The following TBC1D5 variants were observed in gnomAD, a reference collection of about 807,000 sequenced individuals.
TBC1D5 encodes the protein TBC1 domain family, member 5.
A neutral mutation model predicts 100.3 loss-of-function variants in TBC1D5; 75 were observed. That is an observed-to-expected ratio of 0.75 (90% CI 0.62 to 0.91). The LOEUF is 0.91. Ranked by LOEUF, TBC1D5 falls within the 40% of genes least tolerant of loss-of-function variation. The pLI is 0.00. For synonymous variants in TBC1D5, 323 were observed against 325.6 expected (o/e 0.99, Z 0.09); for missense variants, 910 against 942.4 (o/e 0.97, Z 0.45).
chr3:17,710,603 GATAAAA>G (rs1159581180), intron 1 of TBC1D5, among the ~76,000 whole-genome samples: 1 of 151,432 alleles, frequency 6.6e-6, no homozygotes, highest in African/African-American at 2.4e-5. Flanking sequence ...AAAATATATT[GATAAAA>G]ATAGAATGAA....
chr3:17,302,478 G>T (rs973431689), intron 14 of TBC1D5, among the ~76,000 whole-genome samples: 3 of 152,050 alleles, frequency 2.0e-5, no homozygotes, highest in Non-Finnish European at 4.4e-5. Flanking sequence ...TTTTGTTGAG[G>T]GGGGGGATAC....
chr3:17,403,167 A>G lies in TBC1D5; in HGVS notation c.509+14T>C. 1 of 1,559,344 alleles carries G rather than the reference A, an allele frequency of 6.4e-7. No individual in the cohort carries two copies. Among genetic ancestry groups the G allele is most frequent in the Non-Finnish European group, 8.7e-7 (1 of 1,149,074 alleles). ...TTGAATTATTGAAAGTAACATGTAAATAGTTCTACATACGTTCTTTTGACA... is the reference window on the plus strand; with the variant it reads ...TTGAATTATTGAAAGTAACATGTAAGTAGTTCTACATACGTTCTTTTGACA... On this transcript the variant is annotated intron_variant, in intron 8 of 21. Transcript: ENST00000253692.
chr3:17,388,939 T>A (rs1052833986), intron 8 of TBC1D5, among the ~76,000 whole-genome samples: 1 of 152,018 alleles, frequency 6.6e-6, no homozygotes, highest in Non-Finnish European at 1.5e-5. Flanking sequence ...AAAATAATAA[T>A]CTATTAATCA....
chr3:17,683,512 CTAAA>C (rs2069794561), intron 1 of TBC1D5, among the ~76,000 whole-genome samples: 2 of 152,010 alleles, frequency 1.3e-5, no homozygotes, highest in Non-Finnish European at 2.9e-5. Flanking sequence ...AGAAAGATGA[CTAAA>C]TGTTATACAA....
intron 4 of TBC1D5, among the ~76,000 whole-genome samples, chr3:17,423,564 T>C (rs1025496439): frequency 2.6e-5 from 4 of 152,180 alleles, no homozygotes; most frequent in Admixed American, 6.5e-5. Context: ...AATTTTGAAC[T>C]GTGTCTCTGG....
chr3:17,175,436 G>A (rs1476317051), intron 19 of TBC1D5, among the ~76,000 whole-genome samples: 1 of 152,156 alleles, frequency 6.6e-6, no homozygotes, highest in African/African-American at 2.4e-5. Context: ...ATGGAAGCAT[G>A]ACACCTCCCA....
exon 22 of TBC1D5, chr3:17,157,174 A>G (rs994449823): frequency 2.0e-5 from 3 of 152,270 alleles, no homozygotes; most frequent in Non-Finnish European, 4.4e-5. Flanking sequence ...TCAGTTTGAC[A>G]TTAGTCTTTT....
At chr3:17,379,090 C>T (rs1279726505) in intron 9 of TBC1D5, among the ~76,000 whole-genome samples, 1 of 150,202 alleles carries the variant, frequency 6.7e-6, no homozygotes, top group Non-Finnish European at 1.5e-5. Context: ...CTATTTTCTG[C>T]TCCTTTTTTT....
At position 17,184,884 on chromosome 3, in the gene TBC1D5, T is replaced by G. The variant is rs138077057; in HGVS notation, c.1852+225A>C. 2,168 of 279,896 alleles carry G rather than the reference T, an allele frequency of 7.7e-3. 75 individuals are homozygous for G. The highest frequency in any genetic ancestry group is 0.064 in the Admixed American group (1,359 of 21,132). 17.3% of individuals were successfully genotyped at this position (279,896 alleles called of 1,614,324 possible). ...GATTTTGAATTTCCACTCGATTTAC[T>G]AATGATATAATCTTGGGGCATTTTC... is the stretch of plus-strand genomic sequence containing the variant. On this transcript the variant is annotated intron_variant, in intron 19 of 21. Coordinates refer to ENST00000253692, the Ensembl canonical transcript of TBC1D5.
At chr3:17,556,602 T>C (rs893579962) in intron 2 of TBC1D5, among the ~76,000 whole-genome samples, 1 of 152,202 alleles carries the variant, frequency 6.6e-6, no homozygotes, top group African/African-American at 2.4e-5. Context: ...GTCTCATCCC[T>C]GAAAGCTTAA....
At chr3:17,604,210 T>C (rs1397431679) in intron 2 of TBC1D5, among the ~76,000 whole-genome samples, 1 of 152,180 alleles carries the variant, frequency 6.6e-6, no homozygotes, top group Non-Finnish European at 1.5e-5. Context: ...TCTACCTGCC[T>C]CGGCCTCCCA....
chr3:17,201,672 G>A (rs2733521), intron 18 of TBC1D5, among the ~76,000 whole-genome samples: 61,509 of 151,820 alleles, frequency 0.41, 13,122 homozygotes, highest in Middle Eastern at 0.5. Flanking sequence ...TATTGTGATG[G>A]GTTCTCATGA....
chr3:17,717,804 C>T lies in TBC1D5; in HGVS notation c.-101+21539G>A, dbSNP rs182901832. Among the ~76,000 whole-genome samples, 155 of 152,252 alleles carry T rather than the reference C, an allele frequency of 1.0e-3. 2 individuals are homozygous for T. The South Asian group carries it at 0.018, about 18-fold the overall frequency. Reference sequence around the variant, plus strand: ...AGGAATATATTTTATATCACAAACCCATACACATACACATTTAACTGAAAC... The same window carrying T: ...AGGAATATATTTTATATCACAAACCTATACACATACACATTTAACTGAAAC... On this transcript the variant is annotated intron_variant, in intron 1 of 21. Transcript: ENST00000253692.
chr3:17,504,369 A>G (rs1408383048), intron 3 of TBC1D5, among the ~76,000 whole-genome samples: 1 of 151,216 alleles, frequency 6.6e-6, no homozygotes, highest in East Asian at 2.0e-4. Flanking sequence ...GCACCAGCAT[A>G]GCACATGTAT....
intron 4 of TBC1D5, among the ~76,000 whole-genome samples, chr3:17,424,377 G>C (rs1222968568): frequency 6.6e-6 from 1 of 152,182 alleles, no homozygotes; most frequent in Non-Finnish European, 1.5e-5. Flanking sequence ...CAGTCACTAA[G>C]TTAAACATCT....
At chr3:17,170,077 C>T (rs1433633193) in intron 19 of TBC1D5, among the ~76,000 whole-genome samples, 1 of 152,198 alleles carries the variant, frequency 6.6e-6, no homozygotes. Flanking sequence ...CCTAACAGGC[C>T]ACGGGCCAGT....
chr3:17,211,093 T>A (rs2072926016), intron 18 of TBC1D5, among the ~76,000 whole-genome samples: 1 of 152,268 alleles, frequency 6.6e-6, no homozygotes, highest in Non-Finnish European at 1.5e-5. Context: ...TCTTTCATTA[T>A]CAAATCCTCT....
intron 1 of TBC1D5, among the ~76,000 whole-genome samples, chr3:17,716,279 G>C (rs1382005780): frequency 1.3e-5 from 2 of 152,036 alleles, no homozygotes; most frequent in African/African-American, 4.8e-5. Flanking sequence ...TCAGACCAAA[G>C]TGTTCCTTAC....
At chr3:17,239,352 A>G (rs2076127005) in intron 16 of TBC1D5, among the ~76,000 whole-genome samples, 1 of 152,122 alleles carries the variant, frequency 6.6e-6, no homozygotes, top group South Asian at 2.1e-4. Context: ...CTCCTGCATC[A>G]TCATTTTCTC....
Sources: gnomAD v4.1 joint callset for allele counts (sites outside exome capture counted in the v4.1 genomes callset) on GRCh38, gnomAD v4.1.1 for gene constraint, MANE v1.5 for transcripts, NCBI Gene and HGNC (gene_info 2026-07-23, HGNC 2026-07-21) for gene names.